Variants in NPR3 observed in about 807,000 individuals in gnomAD.
NPR3 encodes natriuretic peptide receptor 3.
In NPR3, 34 loss-of-function variants were observed where a neutral mutation model predicts 54.5. The observed-to-expected ratio is 0.62, with a 90% CI of 0.47 to 0.83. The LOEUF (loss-of-function observed/expected upper bound fraction) is 0.83, where lower values mean the gene tolerates loss of function less well. Ranked by LOEUF, NPR3 falls within the 40% of genes least tolerant of loss-of-function variation. The pLI is 0.00. For missense variants in NPR3, 674 were observed against 720.8 expected (o/e 0.94, Z 0.74); for synonymous variants, 289 against 297.1 (o/e 0.97, Z 0.28).
chr5:32,760,166 C>T (rs1361417731), intron 3 of NPR3, among the ~76,000 whole-genome samples: 1 of 151,852 alleles, frequency 6.6e-6, no homozygotes, highest in African/African-American at 2.4e-5. Flanking sequence ...ACCGAAGCTG[C>T]AATGAGCATT....
chr5:32,701,290 G>A (rs1396821235), intron 1 of NPR3, among the ~76,000 whole-genome samples: 1 of 152,120 alleles, frequency 6.6e-6, no homozygotes, highest in East Asian at 1.9e-4. Context: ...CTGCTGTTAA[G>A]AGACTCTGAT....
intron 3 of NPR3, among the ~76,000 whole-genome samples, chr5:32,745,161 G>A (rs1455483013): frequency 3.3e-5 from 5 of 152,134 alleles, no homozygotes; most frequent in Admixed American, 6.5e-5. Context: ...TACACAAAGC[G>A]AAGTATTCAG....
intron 3 of NPR3, among the ~76,000 whole-genome samples, chr5:32,741,434 AT>A (rs1347509767): frequency 6.6e-6 from 1 of 152,194 alleles, no homozygotes; most frequent in Non-Finnish European, 1.5e-5. Flanking sequence ...AAAAGTTGGC[AT>A]CCCACTACTG....
intron 3 of NPR3, among the ~76,000 whole-genome samples, chr5:32,771,243 G>T (rs1444247455): frequency 6.6e-6 from 1 of 152,150 alleles, no homozygotes; most frequent in Non-Finnish European, 1.5e-5. Context: ...AACCTCCCCC[G>T]CAGTGGGCGG....
intron 3 of NPR3, among the ~76,000 whole-genome samples, chr5:32,749,636 T>C (rs2111977760): frequency 6.6e-6 from 1 of 152,302 alleles, no homozygotes; most frequent in South Asian, 2.1e-4. Flanking sequence ...CCCCTCCAAA[T>C]TCCTTCTTGA....
At chr5:32,736,670 A>C (rs749118897) in intron 2 of NPR3, among the ~76,000 whole-genome samples, 1 of 152,236 alleles carries the variant, frequency 6.6e-6, no homozygotes, top group Non-Finnish European at 1.5e-5. Context: ...AACAAAGGCC[A>C]TGCTGTATCT....
At chr5:32,728,980 C>A (rs1739301549) in intron 2 of NPR3, among the ~76,000 whole-genome samples, 1 of 146,208 alleles carries the variant, frequency 6.8e-6, no homozygotes. Context: ...TATTTTATTC[C>A]CTGAGGATGC....
chr5:32,751,321 G>C (rs575687813), intron 3 of NPR3, among the ~76,000 whole-genome samples: 1 of 152,170 alleles, frequency 6.6e-6, no homozygotes, highest in Non-Finnish European at 1.5e-5. Context: ...TGAAAGGGCC[G>C]CAGTTACCTT....
intron 1 of NPR3, among the ~76,000 whole-genome samples, chr5:32,721,083 G>C (rs1453379099): frequency 6.6e-6 from 1 of 152,192 alleles, no homozygotes; most frequent in East Asian, 1.9e-4. Flanking sequence ...AGATTGGGGA[G>C]CATCATAAAA....
Position 32,698,645 on chromosome 5 carries a change from A to C in NPR3, c.100+9459A>C, listed in dbSNP as rs565860660. ...AGCTCTAATAATCTTTGCTTTATAC[A>C]TCTGGGTTCTCCAGAGTTGGGTGCA... On this transcript the variant is annotated intron_variant, in intron 1 of 5. Transcript: ENST00000509104. Among the ~76,000 whole-genome samples the C allele has an allele frequency of 3.9e-5, 6 of 152,280 alleles. No homozygotes were observed. In the East Asian group the frequency reaches 9.6e-4, roughly 24 times the overall value.
chr5:32,710,837 C>T (rs2111833789), upstream of NPR3: 2 of 1,440,288 alleles, frequency 1.4e-6, no homozygotes, highest in East Asian at 5.2e-5. Flanking sequence ...ATTTCTAGAA[C>T]CATCCCTTTC....
rs769837523 is a variant in NPR3, at chr5:32,784,831, G to T, written c.1462G>T (p.Val488Phe). ...AGAAGAATCGGCAGTGACAGGAATT[G>T]TCGTGGGGGCTTTACTAGGAGCTGG... ...GLEESAVTGI[V>F]VGALLGAGLL... Residue 488 changes from valine (V) to phenylalanine (F), a missense_variant, in exon 7 of 8, where the codon GTC becomes TTC. Val to Phe is a conservative substitution (Grantham distance 50). Coordinates refer to ENST00000265074, the MANE Select transcript of NPR3 (RefSeq NM_001204375.2). The T allele has an allele frequency of 2.5e-6, 4 of 1,613,840 alleles. No individual in the cohort carries two copies. In the Admixed American group the frequency reaches 6.7e-5, roughly 27 times the overall value.
At chr5:32,750,568 T>A (rs1740525561) in intron 3 of NPR3, among the ~76,000 whole-genome samples, 1 of 152,226 alleles carries the variant, frequency 6.6e-6, no homozygotes, top group Non-Finnish European at 1.5e-5. Context: ...GTGATTTACC[T>A]GAAATCTCTT....
chr5:32,704,307 G>GA (rs1414279207), intron 1 of NPR3, among the ~76,000 whole-genome samples: 1 of 151,958 alleles, frequency 6.6e-6, no homozygotes, highest in African/African-American at 2.4e-5. Context: ...GATATGAAAT[G>GA]AAAACCAGGT....
intron 7 of NPR3, among the ~76,000 whole-genome samples, chr5:32,785,095 T>A (rs1043091498): frequency 4.0e-5 from 6 of 150,976 alleles, no homozygotes; most frequent in African/African-American, 1.5e-4. Flanking sequence ...TTTGACTACA[T>A]CTCACAGTGG....
Position 32,790,956 on chromosome 5 carries a change from C to T in NPR3, c.*4611C>T, listed in dbSNP as rs1021408731. 1.4e-4 allele frequency: 24 copies of T among 167,054 alleles called. No homozygotes were observed. Among genetic ancestry groups the T allele is most frequent in the African/African-American group, 5.3e-4 (22 of 41,452 alleles). The allele number at this position is 167,054 out of a possible 1,614,324, so 10.3% of individuals were successfully genotyped here. ...GATTCATGTTTAAAGACCTAAATTT[C>T]TATGCACAAGGAATAAAGGGCCTAC... On this transcript the variant is annotated 3_prime_UTR_variant, in exon 8 of 8. Coordinates refer to ENST00000265074, the MANE Select transcript of NPR3 (RefSeq NM_001204375.2).
At chr5:32,702,935 C>T (rs530447192) in intron 1 of NPR3, among the ~76,000 whole-genome samples, 38 of 152,286 alleles carry the variant, frequency 2.5e-4, no homozygotes, top group East Asian at 1.4e-3. Context: ...TGTTTCCTGA[C>T]TTTTTAATGA....
At chr5:32,775,693 G>T (rs1427570802) in intron 4 of NPR3, among the ~76,000 whole-genome samples, 3 of 152,110 alleles carry the variant, frequency 2.0e-5, no homozygotes, top group Non-Finnish European at 4.4e-5. Flanking sequence ...CACCTCCTGG[G>T]TTCAAGTGAT....
intron 1 of NPR3, among the ~76,000 whole-genome samples, chr5:32,723,706 A>G (rs1738986595): frequency 6.6e-6 from 1 of 152,218 alleles, no homozygotes; most frequent in Non-Finnish European, 1.5e-5. Context: ...TTTATTTTGA[A>G]ATAATCTTGC....
Sources: gnomAD v4.1 joint callset for allele counts (sites outside exome capture counted in the v4.1 genomes callset) on GRCh38, gnomAD v4.1.1 for gene constraint, MANE v1.5 for transcripts, NCBI Gene and HGNC (gene_info 2026-07-23, HGNC 2026-07-21) for gene names.